The following SLC35D4 variants were observed in gnomAD, a reference collection of about 807,000 sequenced individuals.
SLC35D4 encodes solute carrier family 35 member D4.
the SLC35D4 span, among the ~76,000 whole-genome samples, chr18:23,304,184 G>A: frequency 6.6e-6 from 1 of 150,560 alleles, no homozygotes; most frequent in African/African-American, 2.4e-5. Flanking sequence ...GGCTGAGGCA[G>A]GAGAATGGTG....
the SLC35D4 span, among the ~76,000 whole-genome samples, chr18:23,309,011 C>T: frequency 6.6e-6 from 1 of 151,884 alleles, no homozygotes; most frequent in South Asian, 2.1e-4. Flanking sequence ...TGCACATCCT[C>T]CTGTATATTT....
the SLC35D4 span, among the ~76,000 whole-genome samples, chr18:23,332,039 T>A: frequency 2.0e-5 from 3 of 148,682 alleles, no homozygotes; most frequent in Admixed American, 2.1e-4. Flanking sequence ...GCACACACCT[T>A]TACACCTGGC....
the SLC35D4 span, among the ~76,000 whole-genome samples, chr18:23,239,276 G>C: frequency 6.6e-6 from 1 of 152,166 alleles, no homozygotes; most frequent in Non-Finnish European, 1.5e-5. Flanking sequence ...TCACTGCATT[G>C]GCTCTGCAGT....
chr18:23,392,480 C>A, the SLC35D4 span, among the ~76,000 whole-genome samples: 999 of 152,334 alleles, frequency 6.6e-3, 8 homozygotes, highest in African/African-American at 0.023. Flanking sequence ...GAGGACCAGA[C>A]TGCCTTCTTT....
chr18:23,408,170 C>T, the SLC35D4 span, among the ~76,000 whole-genome samples: 1 of 152,040 alleles, frequency 6.6e-6, no homozygotes, highest in East Asian at 1.9e-4. Flanking sequence ...CACACACACA[C>T]ACACACACAC....
At chr18:23,367,846 T>C in the SLC35D4 span, among the ~76,000 whole-genome samples, 2 of 151,914 alleles carry the variant, frequency 1.3e-5, no homozygotes, top group Non-Finnish European at 2.9e-5. Context: ...AACCTTGAGC[T>C]CTGGGGCTCA....
At chr18:23,353,075 CAGTG>C in the SLC35D4 span, among the ~76,000 whole-genome samples, 6 of 65,000 alleles carry the variant, frequency 9.2e-5, no homozygotes, top group African/African-American at 3.4e-4. Context: ...GTGAGACAGA[CAGTG>C]TGTGTGTGTG....
the SLC35D4 span, among the ~76,000 whole-genome samples, chr18:23,266,707 C>G: frequency 3.3e-5 from 5 of 152,228 alleles, no homozygotes; most frequent in Non-Finnish European, 4.4e-5. Flanking sequence ...ACTTGAGCAG[C>G]TCAATGGGGT....
the SLC35D4 span, among the ~76,000 whole-genome samples, chr18:23,355,668 T>C: frequency 2.0e-5 from 3 of 151,082 alleles, no homozygotes; most frequent in Admixed American, 1.3e-4. Flanking sequence ...CTTTTTAACA[T>C]TGTAAAGAAT....
At chr18:23,420,803 C>A in the SLC35D4 span, among the ~76,000 whole-genome samples, 1 of 152,036 alleles carries the variant, frequency 6.6e-6, no homozygotes, top group African/African-American at 2.4e-5. Flanking sequence ...TCTCAATTAA[C>A]TTTTTTCCCC....
chr18:23,419,131 A>G, the SLC35D4 span, among the ~76,000 whole-genome samples: 1 of 152,192 alleles, frequency 6.6e-6, no homozygotes, highest in Non-Finnish European at 1.5e-5. Flanking sequence ...CTTTATTCAT[A>G]TTAACCTTAG....
the SLC35D4 span, among the ~76,000 whole-genome samples, chr18:23,332,337 C>T: frequency 1.9e-4 from 29 of 152,212 alleles, no homozygotes; most frequent in Non-Finnish European, 5.9e-5. Context: ...TCTAATTCCA[C>T]AACACTGAAC....
the SLC35D4 span, among the ~76,000 whole-genome samples, chr18:23,404,776 AAGAGATCG>A: frequency 6.6e-6 from 1 of 150,576 alleles, no homozygotes; most frequent in Non-Finnish European, 1.5e-5. Context: ...TTACAAGGTA[AAGAGATCG>A]AGACCATCCT....
At chr18:23,286,182 T>A in the SLC35D4 span, among the ~76,000 whole-genome samples, 1 of 152,160 alleles carries the variant, frequency 6.6e-6, no homozygotes, top group African/African-American at 2.4e-5. Flanking sequence ...CAGAAACATA[T>A]TTCTGAGTTG....
the SLC35D4 span, chr18:23,257,188 T>G: frequency 6.2e-7 from 1 of 1,605,878 alleles, no homozygotes; most frequent in Non-Finnish European, 8.5e-7. Context: ...GGATTTTAAT[T>G]TCAAAATGAA....
chr18:23,412,683 A>G, the SLC35D4 span, among the ~76,000 whole-genome samples: 1 of 152,168 alleles, frequency 6.6e-6, no homozygotes, highest in Non-Finnish European at 1.5e-5. Flanking sequence ...CTCACAGAGC[A>G]TAATTTAGAG....
the SLC35D4 span, chr18:23,310,190 T>C: frequency 1.0e-6 from 1 of 984,928 alleles, no homozygotes; most frequent in Non-Finnish European, 1.2e-6. Context: ...ACCCAGCCTT[T>C]GTCCAATGCA....
chr18:23,240,957 C>T, the SLC35D4 span, among the ~76,000 whole-genome samples: 8 of 152,330 alleles, frequency 5.3e-5, no homozygotes, highest in East Asian at 1.9e-4. Context: ...TTGAAGTGTG[C>T]ATTTCCATGA....
chr18:23,278,406 G>A, the SLC35D4 span, among the ~76,000 whole-genome samples: 3 of 152,302 alleles, frequency 2.0e-5, no homozygotes, highest in South Asian at 6.2e-4. Context: ...TTTGGTAAAA[G>A]CAAAAGTCTG....
Sources: gnomAD v4.1 joint callset for allele counts (sites outside exome capture counted in the v4.1 genomes callset) on GRCh38, gnomAD v4.1.1 for gene constraint, MANE v1.5 for transcripts, NCBI Gene and HGNC (gene_info 2026-07-23, HGNC 2026-07-21) for gene names.